Variants in CTNNA2 observed in about 807,000 individuals in gnomAD.
CTNNA2 encodes catenin alpha 2, also known as catenin alpha-2.
In CTNNA2, 42 loss-of-function variants were observed where a neutral mutation model predicts 101.0. That is an observed-to-expected ratio of 0.42 (90% confidence interval 0.32 to 0.54). CTNNA2 has a LOEUF of 0.54. Among genes scored for constraint, CTNNA2 ranks in the 20% least tolerant of loss-of-function variants. The probability of loss-of-function intolerance (pLI) is 0.14; values close to 1 mark genes in which losing one functional copy is unlikely to be tolerated. For missense variants in CTNNA2, 871 were observed against 1,223.1 expected (o/e 0.71, Z 4.29); for synonymous variants, 450 against 456.4 (o/e 0.99, Z 0.18).
At chr2:80,434,358 T>C (rs1400637572) in intron 9 of CTNNA2, among the ~76,000 whole-genome samples, 1 of 152,206 alleles carries the variant, frequency 6.6e-6, no homozygotes, top group Non-Finnish European at 1.5e-5. Flanking sequence ...TACTTGTAGC[T>C]ATTCTGGTGG....
At position 80,486,557 on chromosome 2, in the gene CTNNA2, T is replaced by C. The variant is rs188109605; in HGVS notation, c.1291-58425T>C. 6.5e-3 allele frequency among the ~76,000 whole-genome samples: 986 copies of C among 152,342 alleles called. 10 individuals are homozygous for C. Among genetic ancestry groups the C allele is most frequent in the Non-Finnish European group, 8.9e-3 (605 of 68,020 alleles). ...ACTGCGATTTCATCTCCAATACTGA[T>C]GTAACCACCCTGAAGAATTTAGTTC... is the stretch of plus-strand genomic sequence containing the variant. On this transcript the variant is annotated intron_variant, in intron 9 of 18. Coordinates refer to ENST00000402739, the MANE Select transcript of CTNNA2 (RefSeq NM_001282597.3).
chr2:80,100,380 G>A (rs1700469178), intron 7 of CTNNA2, among the ~76,000 whole-genome samples: 1 of 152,122 alleles, frequency 6.6e-6, no homozygotes, highest in Non-Finnish European at 1.5e-5. Flanking sequence ...AGCTTTCTAA[G>A]GTTTAAATTC....
At chr2:80,328,326 T>C (rs1344606700) in intron 7 of CTNNA2, 1 of 471,162 alleles carries the variant, frequency 2.1e-6, no homozygotes, top group Admixed American at 2.3e-5. Context: ...GAACCTTTCA[T>C]GTGGTGACTT....
intron 2 of CTNNA2, among the ~76,000 whole-genome samples, chr2:79,681,434 C>G (rs1264688824): frequency 6.6e-6 from 1 of 152,162 alleles, no homozygotes; most frequent in Non-Finnish European, 1.5e-5. Flanking sequence ...TAGACTTTTG[C>G]ACCAGTGATG....
intron 15 of CTNNA2, 59 bp downstream of exon 15, chr2:80,589,544 G>A: frequency 6.5e-7 from 1 of 1,532,754 alleles, no homozygotes; most frequent in East Asian, 2.3e-5. Context: ...GTGTAGCAGT[G>A]TGTATTAGCA....
intron 4 of CTNNA2, among the ~76,000 whole-genome samples, chr2:79,491,592 A>T (rs1671207708): frequency 6.6e-6 from 1 of 152,196 alleles, no homozygotes; most frequent in African/African-American, 2.4e-5. Flanking sequence ...AGCTTCTCAG[A>T]AGAGTAACTC....
chr2:79,643,963 G>A (rs17017398), intron 1 of CTNNA2, among the ~76,000 whole-genome samples: 18,187 of 151,932 alleles, frequency 0.12, 1,552 homozygotes, highest in East Asian at 0.42. Context: ...AGCCCTACCC[G>A]TCTTACATCC....
At chr2:79,504,363 C>T (rs1351938060) in intron 4 of CTNNA2, among the ~76,000 whole-genome samples, 1 of 152,056 alleles carries the variant, frequency 6.6e-6, no homozygotes, top group Non-Finnish European at 1.5e-5. Context: ...GATCTCAGCT[C>T]ACTGCAACCT....
In CTNNA2 at chr2:80,227,605, T is replaced by A. The variant is rs139792066; in HGVS notation, c.1057-165606T>A. On this transcript the variant is annotated intron_variant, in intron 7 of 18. Coordinates refer to ENST00000402739, the MANE Select transcript of CTNNA2 (RefSeq NM_001282597.3). Reference sequence around the variant, plus strand: ...TGTCCATGGATGTGAGCCCGAGTTGTGCCTGTGGCGTGATGACCCACAAAT... The same window carrying A: ...TGTCCATGGATGTGAGCCCGAGTTGAGCCTGTGGCGTGATGACCCACAAAT... Among the ~76,000 whole-genome samples the A allele has an allele frequency of 1.8e-3, 276 of 152,324 alleles. 3 individuals are homozygous for A. Among genetic ancestry groups the A allele is most frequent in the Middle Eastern group, 0.017 (5 of 294 alleles).
chr2:79,332,118 G>A (rs1573086836), intron 3 of CTNNA2, among the ~76,000 whole-genome samples: 2 of 152,228 alleles, frequency 1.3e-5, no homozygotes, highest in East Asian at 3.9e-4. Flanking sequence ...AGGGGCAGCT[G>A]CCTACAATAG....
intron 4 of CTNNA2, among the ~76,000 whole-genome samples, chr2:79,392,623 A>C (rs1678187169): frequency 6.6e-6 from 1 of 152,110 alleles, no homozygotes; most frequent in African/African-American, 2.4e-5. Flanking sequence ...TATTTTCCAC[A>C]AATTCATCTT....
chr2:79,454,010 C>T (rs571693190), intron 4 of CTNNA2, among the ~76,000 whole-genome samples: 22 of 152,198 alleles, frequency 1.4e-4, no homozygotes, highest in African/African-American at 4.8e-4. Flanking sequence ...TAAAGCCCCT[C>T]AGTTCTGATG....
chr2:79,420,916 C>A (rs1573158136), intron 4 of CTNNA2, among the ~76,000 whole-genome samples: 1 of 152,048 alleles, frequency 6.6e-6, no homozygotes, highest in African/African-American at 2.4e-5. Flanking sequence ...GAAGTGGTGT[C>A]ATTAAGTGTC....
chr2:80,592,498 A>G (rs1386987491), intron 15 of CTNNA2, among the ~76,000 whole-genome samples: 1 of 152,174 alleles, frequency 6.6e-6, no homozygotes, highest in East Asian at 1.9e-4. Context: ...ACCTATTCCA[A>G]AAAGTACCTG....
At chr2:79,879,927 C>A (rs1389330607) in intron 6 of CTNNA2, among the ~76,000 whole-genome samples, 1 of 152,078 alleles carries the variant, frequency 6.6e-6, no homozygotes, top group Non-Finnish European at 1.5e-5. Flanking sequence ...CTTGCTTTTG[C>A]CCATTCAATA....
chr2:79,413,934 C>T (rs1678447092), intron 4 of CTNNA2, among the ~76,000 whole-genome samples: 1 of 140,268 alleles, frequency 7.1e-6, no homozygotes, highest in Non-Finnish European at 1.5e-5. Flanking sequence ...GAGCTGAATT[C>T]ATATATATAT....
chr2:80,198,634 G>A (rs1706999104), intron 7 of CTNNA2, among the ~76,000 whole-genome samples: 1 of 152,098 alleles, frequency 6.6e-6, no homozygotes, highest in South Asian at 2.1e-4. Context: ...AAATTTGCAA[G>A]TGAAATGCCA....
intron 7 of CTNNA2, among the ~76,000 whole-genome samples, chr2:80,026,525 CAG>C (rs1694939408): frequency 6.6e-6 from 1 of 152,144 alleles, no homozygotes; most frequent in African/African-American, 2.4e-5. Context: ...GAGAGGCCTG[CAG>C]CAAAAGAGTT....
chr2:79,251,316 G>A (rs1674768345), intron 2 of CTNNA2, among the ~76,000 whole-genome samples: 1 of 152,106 alleles, frequency 6.6e-6, no homozygotes, highest in African/African-American at 2.4e-5. Context: ...CTCCCTACTT[G>A]CCTGGAGCTG....
Sources: allele counts gnomAD v4.1 joint callset (sites outside exome capture counted in the v4.1 genomes callset), GRCh38; gene constraint gnomAD v4.1.1; transcripts MANE v1.5; gene names NCBI Gene and HGNC (gene_info 2026-07-23, HGNC 2026-07-21).